The following STARD13 variants were observed in gnomAD, a reference collection of about 807,000 sequenced individuals.
STARD13 encodes StAR related lipid transfer domain containing 13, also known as stAR-related lipid transfer protein 13.
In STARD13, 62 loss-of-function variants were observed where a neutral mutation model predicts 106.4. The observed-to-expected ratio is 0.58, with a 90% CI of 0.48 to 0.72. The LOEUF is 0.72. STARD13 is among the 30% of genes least tolerant of loss of function. The pLI is 0.00. For missense variants in STARD13, 1,387 were observed against 1,424.0 expected, an observed-to-expected ratio of 0.97 and a Z score of 0.42; for synonymous variants, 565 against 553.0, an observed-to-expected ratio of 1.02 and a Z score of -0.31.
At chr13:33,529,756 A>G in the STARD13 span, among the ~76,000 whole-genome samples, 1 of 152,220 alleles carries the variant, frequency 6.6e-6, no homozygotes, top group African/African-American at 2.4e-5. Context: ...AGCAGGAAGA[A>G]TAGCAGTATT....
chr13:33,340,291 C>G (rs1244935803), intron 1 of STARD13, among the ~76,000 whole-genome samples: 2 of 152,168 alleles, frequency 1.3e-5, no homozygotes, highest in Non-Finnish European at 2.9e-5. Context: ...GCAGCCTCAA[C>G]TTCCAGGGCT....
chr13:33,663,419 A>G, the STARD13 span, among the ~76,000 whole-genome samples: 1 of 152,238 alleles, frequency 6.6e-6, no homozygotes, highest in Non-Finnish European at 1.5e-5. Context: ...CTGCTAGGGT[A>G]TAGTTTATTC....
At chr13:33,152,755 T>C (rs4943081) in intron 3 of STARD13, among the ~76,000 whole-genome samples, 67,054 of 152,100 alleles carry the variant, frequency 0.44, 15,332 homozygotes, top group South Asian at 0.55. Flanking sequence ...TGGAGGATCC[T>C]TGGGCCTCTG....
At position 33,112,831 on chromosome 13, in the gene STARD13, G is replaced by A. The variant is rs748109327; in HGVS notation, c.2382C>T (p.Asn794=). 11 of 1,613,826 alleles carry A rather than the reference G, an allele frequency of 6.8e-6. No homozygotes were observed. The highest frequency in any genetic ancestry group is 5.0e-5 in the Admixed American group (3 of 59,962). Residue 794 remains asparagine (N), a synonymous_variant, in exon 9 of 14, where the codon AAC becomes AAT. Coordinates refer to ENST00000336934, the MANE Select transcript of STARD13 (RefSeq NM_178006.4). The stretch of plus-strand genomic sequence containing the variant: ...TCTCTTCCACCAAGTTGACGACGTC[G>A]TTCAGGAAACACAAGAGCGTCTGCA... ...EVLQTLLCFL[N]DVVNLVEENQ... is the part of the protein sequence containing the mutation.
the STARD13 span, among the ~76,000 whole-genome samples, chr13:33,615,993 T>G: frequency 6.6e-6 from 1 of 152,206 alleles, no homozygotes; most frequent in Admixed American, 6.5e-5. Context: ...ATACCATCAT[T>G]TGTATAATTT....
intron 1 of STARD13, among the ~76,000 whole-genome samples, chr13:33,259,226 A>C (rs990479933): frequency 2.0e-5 from 3 of 152,234 alleles, no homozygotes; most frequent in Non-Finnish European, 2.9e-5. Flanking sequence ...TAAATGCAGG[A>C]ATGGATGAGA....
At chr13:33,640,274 A>G in the STARD13 span, among the ~76,000 whole-genome samples, 1 of 152,230 alleles carries the variant, frequency 6.6e-6, no homozygotes, top group Non-Finnish European at 1.5e-5. Flanking sequence ...TCTTTAAACC[A>G]GAATCCTTTC....
At chr13:33,457,941 C>A in the STARD13 span, among the ~76,000 whole-genome samples, 2 of 152,086 alleles carry the variant, frequency 1.3e-5, no homozygotes, top group Admixed American at 6.5e-5. Context: ...ACAAAAACTG[C>A]TAAAGGGAAG....
chr13:33,674,858 G>T, the STARD13 span, among the ~76,000 whole-genome samples: 1 of 152,080 alleles, frequency 6.6e-6, no homozygotes, highest in Non-Finnish European at 1.5e-5. Flanking sequence ...CTCTGATGTC[G>T]TGTCTGGTTA....
At chr13:33,150,439 C>A (rs1881126019) in intron 3 of STARD13, among the ~76,000 whole-genome samples, 1 of 152,210 alleles carries the variant, frequency 6.6e-6, no homozygotes, top group African/African-American at 2.4e-5. Context: ...TCTGAGGGGA[C>A]CATATGCTCA....
the STARD13 span, among the ~76,000 whole-genome samples, chr13:33,470,164 C>T: frequency 6.6e-6 from 1 of 152,036 alleles, no homozygotes; most frequent in South Asian, 2.1e-4. Flanking sequence ...TTTTCTGTTC[C>T]TGTGTTAGTT....
intron 4 of STARD13, among the ~76,000 whole-genome samples, chr13:33,140,546 T>C (rs1468763771): frequency 6.6e-6 from 1 of 152,242 alleles, no homozygotes; most frequent in Non-Finnish European, 1.5e-5. Context: ...CTGTTTTACC[T>C]CCTCAGCTTA....
the STARD13 span, among the ~76,000 whole-genome samples, chr13:33,641,226 G>C: frequency 1.3e-5 from 2 of 152,128 alleles, no homozygotes; most frequent in African/African-American, 2.4e-5. Context: ...AACTAAGTCA[G>C]ATCATTTCCT....
the STARD13 span, among the ~76,000 whole-genome samples, chr13:33,536,227 C>T: frequency 6.6e-6 from 1 of 152,132 alleles, no homozygotes; most frequent in Admixed American, 6.6e-5. Flanking sequence ...ATTGTGCTGG[C>T]CATTATTTAA....
chr13:33,470,896 T>G, the STARD13 span, among the ~76,000 whole-genome samples: 1 of 152,216 alleles, frequency 6.6e-6, no homozygotes, highest in East Asian at 1.9e-4. Context: ...CTGATGATAG[T>G]TTATTTTGGT....
At chr13:33,640,557 T>C in the STARD13 span, among the ~76,000 whole-genome samples, 1 of 152,228 alleles carries the variant, frequency 6.6e-6, no homozygotes, top group East Asian at 1.9e-4. Flanking sequence ...GTCCCTGCCA[T>C]TTAATCATGG....
At chr13:33,480,450 T>C in the STARD13 span, among the ~76,000 whole-genome samples, 6 of 152,162 alleles carry the variant, frequency 3.9e-5, no homozygotes, top group Non-Finnish European at 5.9e-5. Flanking sequence ...CTGGTACTTA[T>C]GGTGGGTAGT....
At chr13:33,551,763 C>G in the STARD13 span, among the ~76,000 whole-genome samples, 3 of 151,440 alleles carry the variant, frequency 2.0e-5, no homozygotes, top group Non-Finnish European at 4.4e-5. Flanking sequence ...CATACTGGCT[C>G]ATTTTTGTAT....
At chr13:33,128,445 TG>T (rs1471913960) in intron 5 of STARD13, among the ~76,000 whole-genome samples, 4 of 152,190 alleles carry the variant, frequency 2.6e-5, no homozygotes, top group Non-Finnish European at 4.4e-5. Flanking sequence ...AGGTCAGCTT[TG>T]ATGTACTTTG....
Sources: allele counts gnomAD v4.1 joint callset (sites outside exome capture counted in the v4.1 genomes callset), GRCh38; gene constraint gnomAD v4.1.1; transcripts MANE v1.5; gene names NCBI Gene and HGNC (gene_info 2026-07-23, HGNC 2026-07-21).